The following SCOC variants were observed in gnomAD, a reference collection of about 807,000 sequenced individuals.
SCOC encodes short coiled-coil protein.
A neutral mutation model predicts 9.9 loss-of-function variants in SCOC; 7 were observed. The observed-to-expected ratio is 0.71, with a 90% CI of 0.40 to 1.33. The LOEUF (loss-of-function observed/expected upper bound fraction) is 1.33, where lower values mean the gene tolerates loss of function less well. SCOC is among the 40% of genes most tolerant of loss of function. The probability of loss-of-function intolerance (pLI) is 0.01; values close to 1 mark genes in which losing one functional copy is unlikely to be tolerated. For missense variants in SCOC, 66 were observed against 89.7 expected (o/e 0.74, Z 1.07); for synonymous variants, 19 against 28.2 (o/e 0.67, Z 1.03).
At chr4:140,304,019 A>G (rs1351559427) in intron 1 of SCOC, among the ~76,000 whole-genome samples, 3 of 152,214 alleles carry the variant, frequency 2.0e-5, no homozygotes, top group Non-Finnish European at 4.4e-5. Context: ...TGCATACCCT[A>G]AACGGAGTTC....
At chr4:140,320,947 G>A (rs1732483406) in intron 1 of SCOC, among the ~76,000 whole-genome samples, 1 of 152,114 alleles carries the variant, frequency 6.6e-6, no homozygotes, top group Non-Finnish European at 1.5e-5. Flanking sequence ...AAGAATATAA[G>A]AGGTCGCCCC....
At chr4:140,296,775 G>GAA (rs111407090) in intron 1 of SCOC, among the ~76,000 whole-genome samples, 6 of 146,488 alleles carry the variant, frequency 4.1e-5, no homozygotes, top group African/African-American at 1.5e-4. Flanking sequence ...GTCACGACAA[G>GAA]AAAAAAAAAA....
At chr4:140,299,237 A>C (rs1731743859) in intron 1 of SCOC, among the ~76,000 whole-genome samples, 1 of 152,240 alleles carries the variant, frequency 6.6e-6, no homozygotes, top group African/African-American at 2.4e-5. Context: ...TTCATTTTAA[A>C]AATCCAGCAA....
At chr4:140,335,495 C>T (rs1052722167) in intron 1 of SCOC, among the ~76,000 whole-genome samples, 1 of 152,202 alleles carries the variant, frequency 6.6e-6, no homozygotes, top group Non-Finnish European at 1.5e-5. Context: ...TTGAATTAAT[C>T]CAATTTGCAC....
At chr4:140,373,274 A>G (rs1341419789), upstream of SCOC, 1 of 1,314,002 alleles carries the variant, frequency 7.6e-7, no homozygotes, top group Admixed American at 3.7e-5. Context: ...TCTTTCCTGA[A>G]TGACTTCTCT....
chr4:140,320,388 G>A (rs1176962249), intron 1 of SCOC, among the ~76,000 whole-genome samples: 2 of 152,182 alleles, frequency 1.3e-5, no homozygotes, highest in African/African-American at 4.8e-5. Context: ...CTCTGTCTAT[G>A]GAGTAGCCAT....
intron 1 of SCOC, among the ~76,000 whole-genome samples, chr4:140,298,233 G>A (rs1027334959): frequency 6.6e-6 from 1 of 152,132 alleles, no homozygotes; most frequent in Admixed American, 6.5e-5. Context: ...TGGGCTCTTC[G>A]CATCCAGCTC....
intron 1 of SCOC, among the ~76,000 whole-genome samples, chr4:140,288,224 T>C (rs1221952231): frequency 6.6e-6 from 1 of 151,910 alleles, no homozygotes; most frequent in Admixed American, 6.6e-5. Context: ...ACACCCCATG[T>C]ACATGCATGT....
At chr4:140,286,598 G>T (rs1010528609) in intron 1 of SCOC, among the ~76,000 whole-genome samples, 4 of 152,248 alleles carry the variant, frequency 2.6e-5, no homozygotes, top group Non-Finnish European at 4.4e-5. Context: ...ATGCAGTGCT[G>T]TTTGGAGCCC....
At chr4:140,352,050 G>A (rs1009225342) in intron 2 of SCOC, among the ~76,000 whole-genome samples, 1 of 152,210 alleles carries the variant, frequency 6.6e-6, no homozygotes, top group African/African-American at 2.4e-5. Context: ...GTCCCAGAGT[G>A]GGGACATGGT....
intron 1 of SCOC, among the ~76,000 whole-genome samples, chr4:140,338,214 T>G (rs1422650988): frequency 6.6e-6 from 1 of 152,132 alleles, no homozygotes; most frequent in East Asian, 1.9e-4. Flanking sequence ...ATTATCTCAA[T>G]AGATGCAGAA....
upstream of SCOC, chr4:140,373,175 G>C (rs770508526): frequency 9.2e-6 from 6 of 654,262 alleles, no homozygotes; most frequent in African/African-American, 2.0e-5. Context: ...TAGAATTAAG[G>C]AACGACGGTG....
At chr4:140,373,334 C>T (rs1728142658), upstream of SCOC, 1 of 1,414,438 alleles carries the variant, frequency 7.1e-7, no homozygotes, top group Non-Finnish European at 9.2e-7. Context: ...GATTCTCACT[C>T]CAATTCTCAG....
intron 2 of SCOC, chr4:140,366,419 G>C (rs1273326547): frequency 4.4e-6 from 6 of 1,367,232 alleles, no homozygotes; most frequent in Middle Eastern, 4.6e-4. Context: ...TGCAGCAGCA[G>C]TAGCACGCTT....
upstream of SCOC, among the ~76,000 whole-genome samples, chr4:140,341,301 C>G (rs1468162515): frequency 1.3e-5 from 2 of 152,170 alleles, no homozygotes; most frequent in African/African-American, 2.4e-5. Flanking sequence ...TCAATTAACT[C>G]TTCTCTTGCA....
chr4:140,288,458 T>TAAA (rs57158306), intron 1 of SCOC, among the ~76,000 whole-genome samples: 44,930 of 151,332 alleles, frequency 0.3, 10,993 homozygotes, highest in African/African-American at 0.67. Flanking sequence ...ATCACACACA[T>TAAA]AACGCAATCC....
intron 1 of SCOC, among the ~76,000 whole-genome samples, chr4:140,333,011 C>T (rs1732863119): frequency 6.6e-6 from 1 of 152,154 alleles, no homozygotes; most frequent in Admixed American, 6.6e-5. Flanking sequence ...GCCTGTGAGG[C>T]TCTACATGGT....
At chr4:140,268,771 C>T (rs944736573) in intron 1 of SCOC, among the ~76,000 whole-genome samples, 12 of 152,144 alleles carry the variant, frequency 7.9e-5, no homozygotes, top group Non-Finnish European at 1.6e-4. Flanking sequence ...TGTTCATTCT[C>T]CCATCCCAAC....
At chr4:140,349,134 A>G (rs947052508) in intron 2 of SCOC, among the ~76,000 whole-genome samples, 1 of 152,222 alleles carries the variant, frequency 6.6e-6, no homozygotes, top group Non-Finnish European at 1.5e-5. Context: ...CTCTGCAGTA[A>G]GAAAACAACA....
Sources: allele counts gnomAD v4.1 joint callset (sites outside exome capture counted in the v4.1 genomes callset), GRCh38; gene constraint gnomAD v4.1.1; transcripts MANE v1.5; gene names NCBI Gene and HGNC (gene_info 2026-07-23, HGNC 2026-07-21).